HERC1: variants seen among roughly 807,000 people sequenced by gnomAD.
HERC1 encodes the protein HECT and RLD domain containing E3 ubiquitin protein ligase family member 1, also known as probable E3 ubiquitin-protein ligase HERC1.
A neutral mutation model predicts 554.3 loss-of-function variants in HERC1; 160 were observed. The ratio of observed to expected loss-of-function variants is 0.29; its 90% CI spans 0.25 to 0.33. The LOEUF is 0.33. Ranked by LOEUF, HERC1 falls within the 10% of genes least tolerant of loss-of-function variation. HERC1 has a pLI of 1.00. For synonymous variants in HERC1, 2,175 were observed against 2,131.7 expected (o/e 1.02, Z -0.56); for missense variants, 4,919 against 5,918.5 (o/e 0.83, Z 5.54).
At chr15:63,642,491 C>A (rs935780992) in intron 59 of HERC1, among the ~76,000 whole-genome samples, 1 of 152,124 alleles carries the variant, frequency 6.6e-6, no homozygotes. Flanking sequence ...GCATGTGCCA[C>A]CACGCCTGGC....
At chr15:63,615,983 C>A (rs1159163073) in intron 75 of HERC1, 63 bp from the exon 76 acceptor site, 2 of 1,331,678 alleles carry the variant, frequency 1.5e-6, no homozygotes, top group Middle Eastern at 1.9e-4. Flanking sequence ...AAGTATTTTA[C>A]ATACAAATAC....
chr15:63,641,001 A>C (rs1247802139), intron 60 of HERC1, among the ~76,000 whole-genome samples: 1 of 152,206 alleles, frequency 6.6e-6, no homozygotes, highest in African/African-American at 2.4e-5. Context: ...TCCTCATTCC[A>C]GTATTTAATG....
In HERC1 at chr15:63,775,526, C is replaced by T; in HGVS notation, c.98G>A (p.Gly33Glu). The T allele has an allele frequency of 1.7e-5, 28 of 1,613,940 alleles. No homozygotes were observed. The highest frequency in any genetic ancestry group is 2.4e-5 in the Non-Finnish European group (28 of 1,179,840). Residue 33 changes from glycine (G) to glutamate (E), a missense_variant, in exon 2 of 78, where the codon GGA (glycine) becomes GAA (glutamate). Physicochemically the swap from Gly to Glu is moderately conservative, Grantham distance 98 (BLOSUM62 -2). Around this residue, in one of 11 missense-constraint regions of HERC1, gnomAD observed 110 missense variants for 99.3 expected, o/e 1.11. Coordinates refer to ENST00000443617, the MANE Select transcript of HERC1 (RefSeq NM_003922.4). This position sits in a 1 kb window ranked among gnomAD's most constrained non-coding sequence, Gnocchi z 4.0. ...CAGTTTAGAATACAGAACAGCAACT[C>T]CCTCTCTTGTAGCAATAGATTCACT... Reference protein sequence around the residue: ...EDSESIATREGVAVLYSKLVS... With the variant: ...EDSESIATREEVAVLYSKLVS...
At chr15:63,635,018 C>A in intron 65 of HERC1, 130 bp from the exon 66 acceptor site, 1 of 616,742 alleles carries the variant, frequency 1.6e-6, no homozygotes, top group Non-Finnish European at 2.6e-6. Context: ...TCTTCAAAGA[C>A]CAATGCTTTT....
In HERC1 at chr15:63,749,376, G is replaced by A; in HGVS notation, c.2210C>T (p.Pro737Leu). Reference protein sequence around the residue: ...TSHSLAWTALPRDRQVVAWHR... With the variant: ...TSHSLAWTALLRDRQVVAWHR... ...ACATAGGCACTCTTACCTGTCCCTA[G>A]GAAGAGCAGTCCATGCCAGACTATG... Residue 737 changes from proline (P) to leucine (L), a missense_variant, in exon 10 of 78, where the codon CCT becomes CTT. Around this residue, in one of 11 missense-constraint regions of HERC1, gnomAD observed 744 missense variants for 1,090.0 expected, o/e 0.68. Coordinates refer to ENST00000443617, the MANE Select transcript of HERC1 (RefSeq NM_003922.4). The surrounding 1 kb of genome is among the most constrained non-coding windows in gnomAD (Gnocchi z 4.1). The A allele has an allele frequency of 1.2e-6, 2 of 1,605,394 alleles. No individual in the cohort carries two copies. The highest frequency in any genetic ancestry group is 1.7e-6 in the Non-Finnish European group (2 of 1,177,162).
intron 3 of HERC1, among the ~76,000 whole-genome samples, chr15:63,760,676 A>T (rs2075582976): frequency 6.6e-6 from 1 of 152,016 alleles, no homozygotes; most frequent in South Asian, 2.1e-4. Flanking sequence ...ATTCAAGAAA[A>T]ACTGACAAAT....
chr15:63,656,500 A>G (rs973062333), intron 48 of HERC1, 142 bp from the exon 49 acceptor site: 2 of 738,260 alleles, frequency 2.7e-6, no homozygotes, highest in Non-Finnish European at 4.3e-6. Flanking sequence ...ATGTCCTAAG[A>G]GTTGCCAAAG....
chr15:63,800,448 A>C (rs2076943333), intron 1 of HERC1, among the ~76,000 whole-genome samples: 1 of 152,198 alleles, frequency 6.6e-6, no homozygotes, highest in Non-Finnish European at 1.5e-5. Context: ...TGCCTTCTCC[A>C]TTCCATCCTC....
At chr15:63,614,619 T>C (rs764288850) in intron 76 of HERC1, among the ~76,000 whole-genome samples, 2 of 152,200 alleles carry the variant, frequency 1.3e-5, no homozygotes, top group African/African-American at 4.8e-5. Flanking sequence ...TAAACTTCTA[T>C]AGCTTCACAG....
At chr15:63,610,878 C>A (rs539021226) in intron 77 of HERC1, among the ~76,000 whole-genome samples, 42 of 152,264 alleles carry the variant, frequency 2.8e-4, no homozygotes, top group African/African-American at 9.9e-4. Context: ...GGGATGGAGA[C>A]AGAGGGAGGA....
intron 1 of HERC1, among the ~76,000 whole-genome samples, chr15:63,785,979 T>G (rs2076428371): frequency 6.6e-6 from 1 of 152,038 alleles, no homozygotes; most frequent in Non-Finnish European, 1.5e-5. Context: ...GTGCTGGGAT[T>G]ACAGGTGTGA....
chr15:63,744,150 G>C (rs2074951706), intron 12 of HERC1, among the ~76,000 whole-genome samples: 32 of 41,564 alleles, frequency 7.7e-4, no homozygotes, highest in African/African-American at 2.2e-3. Context: ...GTGTGTGTGT[G>C]TGTGTGTGTG....
chr15:63,625,025 T>C (rs1177374359), intron 71 of HERC1, among the ~76,000 whole-genome samples: 1 of 152,188 alleles, frequency 6.6e-6, no homozygotes, highest in African/African-American at 2.4e-5. Flanking sequence ...ATTATAAACA[T>C]TTCTTCCACT....
chr15:63,617,994 A>G (rs978552925), intron 74 of HERC1, among the ~76,000 whole-genome samples: 11 of 151,964 alleles, frequency 7.2e-5, no homozygotes, highest in Non-Finnish European at 1.5e-4. Context: ...TGCTGTGCAG[A>G]AGCTCTTTAG....
At chr15:63,736,756 G>A (rs2074523045) in intron 12 of HERC1, among the ~76,000 whole-genome samples, 1 of 152,018 alleles carries the variant, frequency 6.6e-6, no homozygotes, top group Non-Finnish European at 1.5e-5. Flanking sequence ...ACAGGCATGC[G>A]CCACCATGCC....
At chr15:63,610,290 C>A (rs1390518526) in intron 77 of HERC1, among the ~76,000 whole-genome samples, 2 of 152,146 alleles carry the variant, frequency 1.3e-5, no homozygotes, top group Non-Finnish European at 2.9e-5. Context: ...CACAGCTCAA[C>A]GCAGAAAAAC....
rs1566973793 is a variant in HERC1 at position 63,651,326 on chromosome 15, T to C, written c.10473A>G (p.Pro3491=). 4.3e-6 allele frequency: 7 copies of C among 1,613,910 alleles called. No homozygotes were observed. The highest frequency in any genetic ancestry group is 5.9e-6 in the Non-Finnish European group (7 of 1,179,782). ...ATTTGCCACTGATACTCCAGGAAAC[T>C]GGTGAGAAACTTGGATCACTGGGTG... ...LGSPSDPSFS[P]VSWSISGKYL... is the part of the protein sequence containing the mutation. Residue 3491 remains proline (P), a synonymous_variant, in exon 53 of 78, where the codon CCA becomes CCG. Transcript: ENST00000443617.
chr15:63,641,214 GAATA>G (rs1287522711), intron 60 of HERC1, among the ~76,000 whole-genome samples: 1 of 152,158 alleles, frequency 6.6e-6, no homozygotes. Context: ...GCTTTGGAGT[GAATA>G]AATAATCTGA....
rs551762456 is a variant in HERC1, at chr15:63,735,244, G to A, written c.2521-395C>T. On this transcript the variant is annotated intron_variant, in intron 12 of 77. Transcript: ENST00000443617. ...AAGGAGTCACATAGGGAAAGTAAAA[G>A]GGTGCAGGAACTTGCTTGAGCACAC... Among the ~76,000 whole-genome samples the A allele has an allele frequency of 6.6e-5, 10 of 152,118 alleles. No homozygotes were observed. In the South Asian group the frequency reaches 2.1e-3, roughly 32 times the overall value.
Sources: allele counts gnomAD v4.1 joint callset (sites outside exome capture counted in the v4.1 genomes callset), GRCh38; gene constraint gnomAD v4.1.1; regional missense constraint gnomAD v4.1.1; non-coding constraint Gnocchi (gnomAD v3.1); transcripts MANE v1.5; gene names NCBI Gene and HGNC (gene_info 2026-07-23, HGNC 2026-07-21).